The following STAU1 variants were observed in gnomAD, a reference collection of about 807,000 sequenced individuals.
STAU1 encodes double-stranded RNA-binding protein Staufen homolog 1.
In STAU1, 13 loss-of-function variants were observed where a neutral mutation model predicts 62.9. The ratio of observed to expected loss-of-function variants is 0.21; its 90% CI spans 0.13 to 0.33. The LOEUF is 0.33. Among genes scored for constraint, STAU1 ranks in the 10% least tolerant of loss-of-function variants. The pLI, the probability that STAU1 is intolerant of heterozygous loss-of-function variation, is 1.00. For synonymous variants in STAU1, 269 were observed against 265.1 expected (o/e 1.01, Z -0.14); for missense variants, 571 against 712.1 (o/e 0.80, Z 2.25).
At chr20:49,137,839 T>G (rs951927129) in intron 5 of STAU1, among the ~76,000 whole-genome samples, 12 of 150,394 alleles carry the variant, frequency 8.0e-5, no homozygotes, top group Non-Finnish European at 1.8e-4. Context: ...CTAATTTTTT[T>G]TTTTTTTTTT....
intron 6 of STAU1, chr20:49,134,844 A>C: frequency 2.6e-6 from 4 of 1,550,626 alleles, no homozygotes; most frequent in Non-Finnish European, 3.6e-6. Context: ...AAACCTGCAA[A>C]CAAACAGGAA....
intron 6 of STAU1, among the ~76,000 whole-genome samples, chr20:49,127,313 C>T (rs2092651344): frequency 6.6e-6 from 1 of 152,038 alleles, no homozygotes; most frequent in South Asian, 2.1e-4. Flanking sequence ...GAGATGGCAC[C>T]ACTGCACTCC....
chr20:49,202,258 G>GAAAGAAAGAAAGAAAGAA, the STAU1 span, among the ~76,000 whole-genome samples: 1 of 134,466 alleles, frequency 7.4e-6, no homozygotes, highest in Non-Finnish European at 1.6e-5. Context: ...AAGAAAGAAA[G>GAAAGAAAGAAAGAAAGAA]AATCAACTAG....
At chr20:49,219,203 G>A in the STAU1 span, 99 of 726,484 alleles carry the variant, frequency 1.4e-4, no homozygotes, top group East Asian at 2.6e-3. Context: ...TACTGCCACC[G>A]TTTTGAGGCC....
At chr20:49,123,804 GA>G (rs1455450195) in intron 7 of STAU1, among the ~76,000 whole-genome samples, 2 of 152,180 alleles carry the variant, frequency 1.3e-5, no homozygotes, top group Non-Finnish European at 2.9e-5. Flanking sequence ...TTTTATGTAA[GA>G]AAAATTTGGA....
chr20:49,206,617 C>T, the STAU1 span, among the ~76,000 whole-genome samples: 20 of 146,096 alleles, frequency 1.4e-4, no homozygotes, highest in African/African-American at 2.5e-4. Context: ...TCGAGTGAAC[C>T]GCCCAAAGTA....
rs2145818196 is a variant in STAU1 at position 49,117,267 on chromosome 20, C to G, written c.1510-19G>C. The stretch of plus-strand genomic sequence containing the variant: ...ATTCAACCTAAGGGGGAAAAGAGAG[C>G]TGAGGCTAGGTAGGGAACAGCAAGT... On this transcript the variant is annotated intron_variant, in intron 11 of 13. Transcript: ENST00000371856. This position sits in a 1 kb window ranked among gnomAD's most constrained non-coding sequence, Gnocchi z 4.6. The G allele has an allele frequency of 6.2e-7, 1 of 1,613,474 alleles. No individual in the cohort carries two copies. Among genetic ancestry groups the G allele is most frequent in the East Asian group, 2.2e-5 (1 of 44,874 alleles).
At chr20:49,161,230 G>C (rs1372380830) in intron 3 of STAU1, among the ~76,000 whole-genome samples, 1 of 151,986 alleles carries the variant, frequency 6.6e-6, no homozygotes, top group Admixed American at 6.6e-5. Context: ...AGGAGGCCAA[G>C]GTGGGAGGAT....
At chr20:49,125,709 G>C (rs1013761718) in intron 6 of STAU1, among the ~76,000 whole-genome samples, 2 of 152,076 alleles carry the variant, frequency 1.3e-5, no homozygotes, top group East Asian at 1.9e-4. Flanking sequence ...TTAGCCGGGC[G>C]TGGTGGCAGG....
the STAU1 span, among the ~76,000 whole-genome samples, chr20:49,195,409 G>A: frequency 1.3e-5 from 2 of 151,672 alleles, no homozygotes; most frequent in Non-Finnish European, 2.9e-5. Flanking sequence ...GTGGTGGCAG[G>A]TGCCTGTAGT....
At chr20:49,132,507 C>T (rs187439096) in intron 6 of STAU1, among the ~76,000 whole-genome samples, 3 of 152,160 alleles carry the variant, frequency 2.0e-5, no homozygotes, top group African/African-American at 7.2e-5. Context: ...GCCTATAATC[C>T]CATCACTTTA....
intron 13 of STAU1, 41 bp from the exon 14 acceptor site, chr20:49,114,934 G>A (rs1175142867): frequency 1.9e-6 from 3 of 1,600,324 alleles, no homozygotes; most frequent in African/African-American, 2.7e-5. Flanking sequence ...GTTTTGAAAT[G>A]TAAGAGAATT....
At chr20:49,130,739 T>C (rs2092731198) in intron 6 of STAU1, among the ~76,000 whole-genome samples, 1 of 152,050 alleles carries the variant, frequency 6.6e-6, no homozygotes, top group African/African-American at 2.4e-5. Flanking sequence ...CCAGCAAGAA[T>C]CATCAAGATC....
intron 1 of STAU1, among the ~76,000 whole-genome samples, chr20:49,187,584 A>C (rs777555249): frequency 6.6e-6 from 1 of 152,170 alleles, no homozygotes; most frequent in Non-Finnish European, 1.5e-5. Context: ...CTGAACCTTA[A>C]GAGGCAGGGA....
chr20:49,218,658 G>A, the STAU1 span, among the ~76,000 whole-genome samples: 1 of 152,104 alleles, frequency 6.6e-6, no homozygotes, highest in African/African-American at 2.4e-5. Context: ...CCAAAGTGCC[G>A]TGACTAAAGG....
chr20:49,163,008 A>G (rs1366728155), intron 3 of STAU1, among the ~76,000 whole-genome samples: 1 of 151,812 alleles, frequency 6.6e-6, no homozygotes, highest in Non-Finnish European at 1.5e-5. Context: ...CCTGGCCAAC[A>G]TGGTGAAACC....
the STAU1 span, among the ~76,000 whole-genome samples, chr20:49,212,817 C>T: frequency 2.0e-5 from 3 of 151,464 alleles, no homozygotes; most frequent in South Asian, 2.1e-4. Flanking sequence ...AGGCTGGTCT[C>T]GAACTCCTGA....
intron 2 of STAU1, among the ~76,000 whole-genome samples, chr20:49,169,672 C>T (rs938069485): frequency 2.0e-5 from 3 of 152,156 alleles, no homozygotes; most frequent in Non-Finnish European, 4.4e-5. Flanking sequence ...CTTCAGATCT[C>T]GCTGGTGCTG....
Position 49,166,240 on chromosome 20 carries a change from G to C in STAU1, c.-39C>G. On this transcript the variant is annotated 5_prime_UTR_variant, in exon 3 of 14. Transcript: ENST00000371856. Reference sequence around the variant, plus strand: ...AAAAGTGAACAAATGCAGGTAAACAGCTTTCAGTGCAGGTTAATTCAGTGC... The same window carrying C: ...AAAAGTGAACAAATGCAGGTAAACACCTTTCAGTGCAGGTTAATTCAGTGC... 1 of 1,580,876 alleles carries C rather than the reference G, an allele frequency of 6.3e-7. No individual in the cohort carries two copies. The highest frequency in any genetic ancestry group is 8.7e-7 in the Non-Finnish European group (1 of 1,150,882).
Sources: allele counts gnomAD v4.1 joint callset (sites outside exome capture counted in the v4.1 genomes callset), GRCh38; gene constraint gnomAD v4.1.1; non-coding constraint Gnocchi (gnomAD v3.1); transcripts MANE v1.5; gene names NCBI Gene and HGNC (gene_info 2026-07-23, HGNC 2026-07-21).